Variants in NARS2 observed in about 807,000 individuals in gnomAD.
NARS2 encodes asparaginyl-tRNA synthetase 2, mitochondrial.
In NARS2, 60 loss-of-function variants were observed where a neutral mutation model predicts 62.9. The observed-to-expected ratio is 0.95, with a 90% CI of 0.77 to 1.18. The LOEUF is 1.18. Ranked by LOEUF, NARS2 falls within the 50% of genes most tolerant of loss-of-function variation. The pLI is 0.00. For missense variants in NARS2, 619 were observed against 576.4 expected, an observed-to-expected ratio of 1.07 and a Z score of -0.76; for synonymous variants, 196 against 200.0, an observed-to-expected ratio of 0.98 and a Z score of 0.17.
chr11:78,508,268 A>G (rs1860579278), intron 6 of NARS2, among the ~76,000 whole-genome samples: 1 of 152,184 alleles, frequency 6.6e-6, no homozygotes, highest in African/African-American at 2.4e-5. Flanking sequence ...GACCCAACAT[A>G]TGCATGTGGG....
intron 6 of NARS2, among the ~76,000 whole-genome samples, chr11:78,499,853 GTTCT>G (rs1249365810): frequency 6.6e-6 from 1 of 152,130 alleles, no homozygotes; most frequent in Non-Finnish European, 1.5e-5. Context: ...AAATTTGACT[GTTCT>G]TTCTAACTGA....
chr11:78,456,560 C>T (rs1858170781), intron 11 of NARS2, among the ~76,000 whole-genome samples: 1 of 152,126 alleles, frequency 6.6e-6, no homozygotes, highest in Non-Finnish European at 1.5e-5. Context: ...TATTGCACAC[C>T]CCTTGGCTGA....
At chr11:78,478,366 T>TA in intron 9 of NARS2, 72 bp downstream of exon 9, 2 of 642,116 alleles carry the variant, frequency 3.1e-6, no homozygotes, top group Middle Eastern at 5.1e-4. Flanking sequence ...GATATAAATT[T>TA]AAAAAATTAT....
intron 6 of NARS2, among the ~76,000 whole-genome samples, chr11:78,493,634 G>C (rs1859926074): frequency 6.6e-6 from 1 of 151,552 alleles, no homozygotes; most frequent in African/African-American, 2.4e-5. Flanking sequence ...TTCTGGCCTG[G>C]GCGAGAGTGA....
At chr11:78,456,686 C>G (rs1283939217) in intron 11 of NARS2, among the ~76,000 whole-genome samples, 1 of 152,146 alleles carries the variant, frequency 6.6e-6, no homozygotes, top group East Asian at 1.9e-4. Flanking sequence ...TAGAACACTA[C>G]CTGGTGATTG....
chr11:78,538,984 G>C (rs1400439681), intron 5 of NARS2, among the ~76,000 whole-genome samples: 1 of 83,134 alleles, frequency 1.2e-5, no homozygotes, highest in East Asian at 5.5e-4. Flanking sequence ...GACAGAGCGA[G>C]AATCCGTCTC....
intron 6 of NARS2, among the ~76,000 whole-genome samples, chr11:78,509,826 C>CAAAA (rs71046976): frequency 8.6e-6 from 1 of 116,722 alleles, no homozygotes; most frequent in Non-Finnish European, 1.7e-5. Flanking sequence ...GACTCTGTCT[C>CAAAA]AAAAAAAAAA....
intron 7 of NARS2, among the ~76,000 whole-genome samples, chr11:78,490,837 C>T (rs978599041): frequency 6.6e-6 from 1 of 152,060 alleles, no homozygotes; most frequent in Non-Finnish European, 1.5e-5. Flanking sequence ...GATTGAAATG[C>T]TCCGGTTTAG....
intron 7 of NARS2, among the ~76,000 whole-genome samples, chr11:78,481,745 C>T (rs1859364184): frequency 6.6e-6 from 1 of 152,112 alleles, no homozygotes; most frequent in Admixed American, 6.6e-5. Context: ...GGAAAATATT[C>T]TTTGTTAGAA....
chr11:78,512,093 C>G (rs942313464), intron 6 of NARS2, among the ~76,000 whole-genome samples: 1 of 152,200 alleles, frequency 6.6e-6, no homozygotes, highest in African/African-American at 2.4e-5. Flanking sequence ...ATGACTACAG[C>G]TCTTAGGGCA....
chr11:78,532,807 AAT>A (rs887722603), intron 5 of NARS2, among the ~76,000 whole-genome samples: 3 of 152,306 alleles, frequency 2.0e-5, no homozygotes, highest in African/African-American at 4.8e-5. Flanking sequence ...TGCAATTTTA[AAT>A]ATATCTTTCC....
intron 11 of NARS2, among the ~76,000 whole-genome samples, chr11:78,450,967 C>T (rs1857951926): frequency 6.6e-6 from 1 of 152,186 alleles, no homozygotes. Context: ...AGGCGTGAGC[C>T]ACTGTGCCCA....
intron 6 of NARS2, among the ~76,000 whole-genome samples, chr11:78,526,947 G>C (rs1291446004): frequency 1.3e-5 from 2 of 152,194 alleles, no homozygotes; most frequent in South Asian, 2.1e-4. Context: ...ACACAATGAG[G>C]GGACAAAGGC....
At chr11:78,563,847 A>ATATAT (rs1390082108) in intron 4 of NARS2, among the ~76,000 whole-genome samples, 3 of 66,022 alleles carry the variant, frequency 4.5e-5, no homozygotes, top group African/African-American at 1.8e-4. Context: ...AAAAAAAAAA[A>ATATAT]AAAAATATAT....
At chr11:78,568,794 A>G in intron 2 of NARS2, 42 bp from the exon 3 acceptor site, 2 of 1,458,706 alleles carry the variant, frequency 1.4e-6, no homozygotes, top group Non-Finnish European at 1.9e-6. Flanking sequence ...ATCATTATAT[A>G]CAACCTTCAT....
chr11:78,471,769 G>A (rs533628148), intron 9 of NARS2, among the ~76,000 whole-genome samples: 3 of 144,872 alleles, frequency 2.1e-5, no homozygotes, highest in Non-Finnish European at 4.5e-5. Flanking sequence ...CCACCTATGA[G>A]TGAGAATATG....
intron 9 of NARS2, among the ~76,000 whole-genome samples, chr11:78,477,304 T>C (rs1378196664): frequency 6.6e-6 from 1 of 152,162 alleles, no homozygotes; most frequent in Non-Finnish European, 1.5e-5. Context: ...TGGCTGGATA[T>C]CTGAAAAGCA....
intron 11 of NARS2, among the ~76,000 whole-genome samples, chr11:78,448,918 G>C (rs1857861993): frequency 6.6e-6 from 1 of 152,036 alleles, no homozygotes; most frequent in South Asian, 2.1e-4. Flanking sequence ...GTTAATTTTG[G>C]ATCTTAATTC....
intron 6 of NARS2, among the ~76,000 whole-genome samples, chr11:78,516,314 G>T (rs562845155): frequency 1.3e-5 from 2 of 152,284 alleles, no homozygotes; most frequent in East Asian, 3.9e-4. Flanking sequence ...CTGGATTTCT[G>T]TTTGTCCAAG....
Sources: gnomAD v4.1 joint callset for allele counts (sites outside exome capture counted in the v4.1 genomes callset) on GRCh38, gnomAD v4.1.1 for gene constraint, MANE v1.5 for transcripts, NCBI Gene and HGNC (gene_info 2026-07-23, HGNC 2026-07-21) for gene names.